The following DNMT1 variants were observed in gnomAD, a reference collection of about 807,000 sequenced individuals.
DNMT1 encodes the protein DNA (cytosine-5)-methyltransferase 1.
A neutral mutation model predicts 205.3 loss-of-function variants in DNMT1; 24 were observed. The ratio of observed to expected loss-of-function variants is 0.12; its 90% confidence interval spans 0.08 to 0.16. The LOEUF (loss-of-function observed/expected upper bound fraction) is 0.16. Among genes scored for constraint, DNMT1 ranks in the 10% least tolerant of loss-of-function variants. DNMT1 has a pLI of 1.00. For missense variants in DNMT1, 1,293 were observed against 2,177.7 expected (o/e 0.59, Z 8.09); for synonymous variants, 817 against 839.8 (o/e 0.97, Z 0.47).
rs1409963050 is a variant in DNMT1 at position 10,156,046 on chromosome 19, G to A, written c.1400-101C>T. 22 of 1,249,496 alleles carry A rather than the reference G, an allele frequency of 1.8e-5. No individual in the cohort carries two copies. Among genetic ancestry groups the A allele is most frequent in the South Asian group, 5.1e-5 (4 of 77,786 alleles). The allele number at this position is 1,249,496 out of a possible 1,614,324, so 77.4% of individuals were successfully genotyped here. ...CAGCAGACATCCCATCAGCCAGGTC[G>A]GGTGCTCCTCAGTCATCACAATGAC... On this transcript the variant is annotated intron_variant, in intron 18 of 40. Transcript: ENST00000359526. The surrounding 1 kb of genome is among the most constrained non-coding windows in gnomAD (Gnocchi z 4.2).
In DNMT1 at chr19:10,154,479, C is replaced by T; in HGVS notation, c.1833G>A (p.Arg611=). 3 of 1,614,192 alleles carry T rather than the reference C, an allele frequency of 1.9e-6. No individual in the cohort carries two copies. The highest frequency in any genetic ancestry group is 2.5e-6 in the Non-Finnish European group (3 of 1,180,042). ...TGGTCTGCCGCCTCGCCTGGGCTCG[C>T]CTACGGGAGAGGTTCCAGCATCTCA... is the stretch of plus-strand genomic sequence containing the variant. ...IKLAGVTLGQ[R]RAQARRQTIR... is the part of the protein sequence containing the mutation. Residue 611 remains arginine, a splice_region_variant and synonymous_variant, in exon 22 of 41, where the codon AGG becomes AGA. Transcript: ENST00000359526. This position sits in a 1 kb window ranked among gnomAD's most constrained non-coding sequence, Gnocchi z 6.3.
intron 28 of DNMT1, 107 bp from the exon 29 acceptor site, chr19:10,144,094 A>G (rs144996150): frequency 8.9e-7 from 1 of 1,124,100 alleles, no homozygotes; most frequent in African/African-American, 1.5e-5. Flanking sequence ...CACCTGATGA[A>G]TTAAGGTAGG....
chr19:10,169,775 T>C (rs2145350042), intron 9 of DNMT1, among the ~76,000 whole-genome samples: 1 of 151,302 alleles, frequency 6.6e-6, no homozygotes, highest in Non-Finnish European at 1.5e-5. Flanking sequence ...CAAATAAAAA[T>C]AAAAAAAACG....
Position 10,154,675 on chromosome 19 carries a change from G to A in DNMT1, c.1743C>T (p.Asp581=), listed in dbSNP as rs751873043. The A allele has an allele frequency of 1.7e-5, 27 of 1,614,096 alleles. No individual in the cohort carries two copies. The highest frequency in any genetic ancestry group is 2.7e-5 in the African/African-American group (2 of 74,934). The change falls in exon 21 of 41, where the codon GAC becomes GAT. Residue 581 remains aspartate (D), a synonymous_variant. Transcript: ENST00000359526. The surrounding 1 kb of genome is among the most constrained non-coding windows in gnomAD (Gnocchi z 6.3). ...GCTGCTCATCACTGTCCCCGGCCTC[G>A]TCATAACTCTCCACCTGCTCCACCA... ...QFVVEQVESY[D]EAGDSDEQPI...
In DNMT1 at chr19:10,166,587, C is replaced by T; in HGVS notation, c.891+11G>A. 3.1e-6 allele frequency: 5 copies of T among 1,614,040 alleles called. No individual in the cohort carries two copies. Among genetic ancestry groups the T allele is most frequent in the Non-Finnish European group, 4.2e-6 (5 of 1,179,940 alleles). On this transcript the variant is annotated intron_variant, in intron 11 of 40. Transcript: ENST00000359526. ...TGAGGGGGAGTTCAGAAACAAATAACCCGCCTTTACTTTCTCGTCTCCATC... is the reference window on the plus strand; with the variant it reads ...TGAGGGGGAGTTCAGAAACAAATAATCCGCCTTTACTTTCTCGTCTCCATC...
chr19:10,163,651 C>T (rs1271081584), intron 11 of DNMT1, among the ~76,000 whole-genome samples: 1 of 152,314 alleles, frequency 6.6e-6, no homozygotes, highest in East Asian at 1.9e-4. Context: ...GCTTTGCTGA[C>T]CACGTGGTCT....
rs1030120256 is a variant in DNMT1, at chr19:10,165,200, G to A, written c.891+1398C>T. ...GCGGGAAGATCACCTGAGCCTGGGA[G>A]GTCGAGGCTACAGTGAACCGTGATT... is the stretch of plus-strand genomic sequence containing the variant. On this transcript the variant is annotated intron_variant, in intron 11 of 40. Coordinates refer to ENST00000359526, the MANE Select transcript of DNMT1 (RefSeq NM_001130823.3). Among the ~76,000 whole-genome samples, 5 of 152,216 alleles carry A rather than the reference G, an allele frequency of 3.3e-5. No individual in the cohort carries two copies. The East Asian group carries it at 5.8e-4, about 18-fold the overall frequency.
At chr19:10,177,396 G>C in intron 5 of DNMT1, 29 bp from the exon 6 acceptor site, 19 of 1,445,800 alleles carry the variant, frequency 1.3e-5, no homozygotes, top group East Asian at 2.5e-5. Flanking sequence ...GCATTAAAAA[G>C]AAAAAAAAAA....
In DNMT1 at chr19:10,137,297, G is replaced by T. The variant is rs79585069; in HGVS notation, c.4294-17C>A. ...ACTCATGTCCTGAAAGAGTGTGGGG[G>T]GCCCAGCTGTCACCTCATGTGAGCA... On this transcript the variant is annotated splice_polypyrimidine_tract_variant and intron_variant, in intron 36 of 40. Coordinates refer to ENST00000359526, the MANE Select transcript of DNMT1 (RefSeq NM_001130823.3). The surrounding 1 kb of genome is among the most constrained non-coding windows in gnomAD (Gnocchi z 6.4). 3.9e-3 allele frequency: 6,222 copies of T among 1,592,872 alleles called. 128 individuals are homozygous for T. Among genetic ancestry groups the T allele is most frequent in the East Asian group, 0.035 (1,552 of 44,074 alleles).
At chr19:10,168,149 TA>T (rs1320317665) in intron 10 of DNMT1, among the ~76,000 whole-genome samples, 180 bp downstream of exon 10, 3 of 151,848 alleles carry the variant, frequency 2.0e-5, no homozygotes, top group Non-Finnish European at 2.9e-5. Flanking sequence ...AAATTAAAGT[TA>T]AAAAAGTTAA....
rs375620967 is a variant in DNMT1, at chr19:10,151,502, C to T, written c.2161G>A (p.Val721Ile). 3.1e-6 allele frequency: 5 copies of T among 1,614,118 alleles called. No individual in the cohort carries two copies. Among genetic ancestry groups the T allele is most frequent in the Non-Finnish European group, 3.4e-6 (4 of 1,180,034 alleles). ...GGCATCTCTGGGATGTTATCATCGA[C>T]TTCCTCATCGTCATCTGCCTCCTTC... ...AMKEADDDEEVDDNIPEMPSP... is the reference protein window; with the variant it reads ...AMKEADDDEEIDDNIPEMPSP... Residue 721 changes from valine to isoleucine, a missense_variant, in exon 24 of 41, where the codon GTC (valine) becomes ATC (isoleucine). Physicochemically the swap from Val to Ile is conservative, Grantham distance 29. This residue lies in a region of DNMT1 where 197 missense variants were observed against 353.6 expected (regional missense o/e 0.56). Transcript: ENST00000359526. The surrounding 1 kb of genome is among the most constrained non-coding windows in gnomAD (Gnocchi z 5.0).
Position 10,149,596 on chromosome 19 carries a change from C to A in DNMT1, c.2443G>T (p.Ala815Ser). 2 of 1,614,050 alleles carry A rather than the reference C, an allele frequency of 1.2e-6. No individual in the cohort carries two copies. Among genetic ancestry groups the A allele is most frequent in the Non-Finnish European group, 1.7e-6 (2 of 1,180,020 alleles). The change falls in exon 26 of 41, where the codon GCT becomes TCT. Residue 815 changes from alanine to serine, a missense_variant. Transcript: ENST00000359526. Reference sequence around the variant, plus strand: ...GCCCCGAGGACTGTGTCTGTCCCAGCGCAGAACCAGTGGGCGTGAAACATC... The same window carrying A: ...GCCCCGAGGACTGTGTCTGTCCCAGAGCAGAACCAGTGGGCGTGAAACATC... ...GQMFHAHWFCAGTDTVLGATS... is the reference protein window; with the variant it reads ...GQMFHAHWFCSGTDTVLGATS...
At chr19:10,167,199 CTT>C (rs369910549) in intron 10 of DNMT1, among the ~76,000 whole-genome samples, 1 of 147,330 alleles carries the variant, frequency 6.8e-6, no homozygotes. Context: ...TTCTTTTTTC[CTT>C]TTTTTTTTTC....
In DNMT1 at chr19:10,159,073, G is replaced by A. The variant is rs1706960639; in HGVS notation, c.1280+585C>T. On this transcript the variant is annotated intron_variant, in intron 17 of 40. Coordinates refer to ENST00000359526, the MANE Select transcript of DNMT1 (RefSeq NM_001130823.3). The surrounding 1 kb of genome is among the most constrained non-coding windows in gnomAD (Gnocchi z 5.0). ...TGAGCAGCTACATCCACGACACCTA[G>A]ATCACTGGTACCTAGCACAGAGTAG... 6.6e-6 allele frequency among the ~76,000 whole-genome samples: 1 copy of A among 152,200 alleles called. No individual in the cohort carries two copies. The highest frequency in any genetic ancestry group is 2.4e-5 in the African/African-American group (1 of 41,458).
chr19:10,166,354 C>T (rs1340818444), intron 11 of DNMT1, among the ~76,000 whole-genome samples: 3 of 152,124 alleles, frequency 2.0e-5, no homozygotes, highest in Non-Finnish European at 2.9e-5. Flanking sequence ...CTCACACAGA[C>T]CCTCTCTAGT....
chr19:10,151,312 T>C lies in DNMT1; in HGVS notation c.2265+86A>G, dbSNP rs1468178259. ...TCTTAGTGCCGGGGCTCAGGCTGCC[T>C]GAGAGGTCAGGTTGGCGAGATACTA... On this transcript the variant is annotated intron_variant, in intron 24 of 40. Transcript: ENST00000359526. The surrounding 1 kb of genome is among the most constrained non-coding windows in gnomAD (Gnocchi z 5.0). 6.3e-7 allele frequency: 1 copy of C among 1,587,968 alleles called. No individual in the cohort carries two copies. Among genetic ancestry groups the C allele is most frequent in the African/African-American group, 1.3e-5 (1 of 74,630 alleles).
At chr19:10,183,524 G>C (rs1263589034) in intron 1 of DNMT1, among the ~76,000 whole-genome samples, 1 of 152,164 alleles carries the variant, frequency 6.6e-6, no homozygotes, top group Non-Finnish European at 1.5e-5. Context: ...GTTCAGACCA[G>C]CCTGGGAAAC....
At position 10,159,387 on chromosome 19, in the gene DNMT1, T is replaced by A. The variant is rs2038520140; in HGVS notation, c.1280+271A>T. On this transcript the variant is annotated intron_variant, in intron 17 of 40. Transcript: ENST00000359526. The surrounding 1 kb of genome is among the most constrained non-coding windows in gnomAD (Gnocchi z 5.0). ...CGTACCACCACACCTGGCTACTTTT[T>A]GTATTTTCGGTAGGTTTCGCCATGT... 6.6e-6 allele frequency among the ~76,000 whole-genome samples: 1 copy of A among 152,152 alleles called. No individual in the cohort carries two copies. Among genetic ancestry groups the A allele is most frequent in the East Asian group, 1.9e-4 (1 of 5,184 alleles).
At position 10,166,504 on chromosome 19, in the gene DNMT1, A is replaced by T. The variant is rs879405305; in HGVS notation, c.891+94T>A. ...ATGGAGCCTGGGTGGATGGGGCTGG[A>T]CTTGAACCCAGAGCCCCACCCTGCG... On this transcript the variant is annotated intron_variant, in intron 11 of 40. Coordinates refer to ENST00000359526, the MANE Select transcript of DNMT1 (RefSeq NM_001130823.3). The T allele has an allele frequency of 2.1e-4, 306 of 1,479,576 alleles. 1 individual carries two copies. The highest frequency in any genetic ancestry group is 5.2e-4 in the Middle Eastern group (3 of 5,786). The allele number at this position is 1,479,576 out of a possible 1,614,324, so 91.7% of individuals were successfully genotyped here. A position where few individuals can be genotyped will look rare whatever the true frequency, so the allele number is the denominator to read the frequency against.
Sources: allele counts gnomAD v4.1 joint callset (sites outside exome capture counted in the v4.1 genomes callset), GRCh38; gene constraint gnomAD v4.1.1; regional missense constraint gnomAD v4.1.1; non-coding constraint Gnocchi (gnomAD v3.1); transcripts MANE v1.5; gene names NCBI Gene and HGNC (gene_info 2026-07-23, HGNC 2026-07-21).